GOLGA4: variants seen among roughly 807,000 people sequenced by gnomAD.
GOLGA4 encodes golgin subfamily A member 4.
GOLGA4 carries 169 observed loss-of-function variants against 265.9 expected under a neutral mutation model. The ratio of observed to expected loss-of-function variants is 0.64; its 90% confidence interval spans 0.56 to 0.72. GOLGA4 has a LOEUF of 0.72. Among genes scored for constraint, GOLGA4 ranks in the 30% least tolerant of loss-of-function variants. The pLI is 0.00. For missense variants in GOLGA4, 2,482 were observed against 2,483.4 expected (o/e 1.00, Z 0.01); for synonymous variants, 923 against 855.8 (o/e 1.08, Z -1.37).
At chr3:37,335,690 A>G (rs2097008903) in intron 17 of GOLGA4, among the ~76,000 whole-genome samples, 1 of 151,770 alleles carries the variant, frequency 6.6e-6, no homozygotes, top group Admixed American at 6.6e-5. Flanking sequence ...TGCAAATACA[A>G]TGCAATGATT....
Position 37,344,215 on chromosome 3 carries a change from T to C in GOLGA4, c.6473-2978T>C, listed in dbSNP as rs540219535. 4.6e-5 allele frequency among the ~76,000 whole-genome samples: 7 copies of C among 152,296 alleles called. No homozygotes were observed. The South Asian group carries it at 1.5e-3, about 32-fold the overall frequency. On this transcript the variant is annotated intron_variant, in intron 20 of 23. Coordinates refer to ENST00000361924, the MANE Select transcript of GOLGA4 (RefSeq NM_002078.5). ...CTCCTGGGTTCAAGCGATTGTCATGTTTCAGCCTCTAAAGTAGCTGGGATT... is the reference window on the plus strand; with the variant it reads ...CTCCTGGGTTCAAGCGATTGTCATGCTTCAGCCTCTAAAGTAGCTGGGATT...
intron 2 of GOLGA4, among the ~76,000 whole-genome samples, chr3:37,261,859 C>T (rs921820711): frequency 6.6e-6 from 1 of 151,978 alleles, no homozygotes. Flanking sequence ...TTGTGATAAC[C>T]CCTATATTGC....
intron 10 of GOLGA4, among the ~76,000 whole-genome samples, chr3:37,312,420 A>G (rs1384717502): frequency 6.6e-6 from 1 of 152,198 alleles, no homozygotes; most frequent in Non-Finnish European, 1.5e-5. Flanking sequence ...ATAGTAAAAG[A>G]ATATGTAAAA....
chr3:37,312,473 T>A (rs767530886), intron 10 of GOLGA4, among the ~76,000 whole-genome samples: 2 of 152,138 alleles, frequency 1.3e-5, no homozygotes, highest in Non-Finnish European at 2.9e-5. Flanking sequence ...TATCTAAGGA[T>A]TATCATCTTG....
chr3:37,335,035 T>C lies in GOLGA4; in HGVS notation c.6193-18T>C. 6.9e-7 allele frequency: 1 copy of C among 1,448,158 alleles called. No individual in the cohort carries two copies. Among genetic ancestry groups the C allele is most frequent in the Non-Finnish European group, 9.4e-7 (1 of 1,062,648 alleles). The allele number at this position is 1,448,158 out of a possible 1,614,324, so 89.7% of individuals were successfully genotyped here. A position where few individuals can be genotyped will look rare whatever the true frequency, so the allele number is the denominator to read the frequency against. On this transcript the variant is annotated intron_variant, in intron 16 of 23. Transcript: ENST00000361924. ...TTTTTTTTCTTTTCCTTTTTTTCTT[T>C]TTTTTTAAATCCTAAAGGCTCGTGA...
Position 37,351,007 on chromosome 3 carries a change from A to G in GOLGA4, c.6576+3711A>G, listed in dbSNP as rs147955232. ...TCCTAAGACAGCAATGACATTTGCC[A>G]TATCAGTTGACACTTCCTTTCATGA... is the stretch of plus-strand genomic sequence containing the variant. On this transcript the variant is annotated intron_variant, in intron 21 of 23. Coordinates refer to ENST00000361924, the MANE Select transcript of GOLGA4 (RefSeq NM_002078.5). Among the ~76,000 whole-genome samples the G allele has an allele frequency of 3.0e-4, 45 of 152,224 alleles. No homozygotes were observed. In the East Asian group the frequency reaches 8.1e-3, roughly 27 times the overall value.
intron 1 of GOLGA4, 32 bp downstream of exon 1, chr3:37,243,654 C>G (rs370051720): frequency 1.3e-6 from 2 of 1,581,796 alleles, no homozygotes; most frequent in Non-Finnish European, 1.7e-6. Flanking sequence ...TCCCCTGGTT[C>G]CGAATACCTC....
intron 2 of GOLGA4, among the ~76,000 whole-genome samples, chr3:37,255,875 C>T (rs1423229933): frequency 2.0e-5 from 3 of 152,030 alleles, no homozygotes; most frequent in South Asian, 2.1e-4. Flanking sequence ...ACCTTGGCCT[C>T]GTAAAGTGCT....
intron 10 of GOLGA4, among the ~76,000 whole-genome samples, chr3:37,311,421 G>A (rs1396328616): frequency 6.6e-6 from 1 of 152,158 alleles, no homozygotes; most frequent in Non-Finnish European, 1.5e-5. Context: ...ATTAGTAATT[G>A]ATTGGCTCAG....
intron 21 of GOLGA4, among the ~76,000 whole-genome samples, chr3:37,350,888 A>G (rs980860454): frequency 2.6e-5 from 4 of 152,132 alleles, no homozygotes; most frequent in Non-Finnish European, 4.4e-5. Context: ...AGCAAGTCAT[A>G]ATATTTTTGC....
At chr3:37,331,927 A>G (rs1430453885) in intron 16 of GOLGA4, among the ~76,000 whole-genome samples, 2 of 152,142 alleles carry the variant, frequency 1.3e-5, no homozygotes, top group African/African-American at 2.4e-5. Context: ...ATGGTTTGAA[A>G]CATCCTGAGA....
Position 37,286,023 on chromosome 3 carries a change from G to A in GOLGA4, c.487G>A (p.Ala163Thr). 6.4e-7 allele frequency: 1 copy of A among 1,566,498 alleles called. No homozygotes were observed. The highest frequency in any genetic ancestry group is 8.8e-7 in the Non-Finnish European group (1 of 1,142,098). ...YRGKYSELVT[A>T]YQMLQREKKK... ...GATGACTATATTTTAGCTTGTTACAGCTTATCAGATGCTTCAGAGAGAGAA... is the reference window on the plus strand; with the variant it reads ...GATGACTATATTTTAGCTTGTTACAACTTATCAGATGCTTCAGAGAGAGAA... Residue 163 changes from alanine (A) to threonine (T), a missense_variant, in exon 4 of 24, where the codon GCT (alanine) becomes ACT (threonine). Around this residue, in one of 3 missense-constraint regions of GOLGA4, gnomAD observed 1,536 missense variants for 1,483.7 expected, o/e 1.04. Transcript: ENST00000361924.
chr3:37,317,007 T>C (rs2096939547), intron 11 of GOLGA4, among the ~76,000 whole-genome samples: 1 of 152,164 alleles, frequency 6.6e-6, no homozygotes, highest in Non-Finnish European at 1.5e-5. Context: ...TCTAGGAGAT[T>C]GTTCCTTAGC....
chr3:37,248,585 A>C (rs1249006807), intron 1 of GOLGA4, among the ~76,000 whole-genome samples: 1 of 152,218 alleles, frequency 6.6e-6, no homozygotes, highest in Admixed American at 6.5e-5. Flanking sequence ...CCATTTTCTC[A>C]TATAATTCTT....
intron 21 of GOLGA4, among the ~76,000 whole-genome samples, chr3:37,350,678 C>G (rs1483599025): frequency 2.6e-5 from 4 of 152,044 alleles, no homozygotes; most frequent in Non-Finnish European, 4.4e-5. Flanking sequence ...GGGTTCAGTT[C>G]TAGACCACTG....
intron 5 of GOLGA4, among the ~76,000 whole-genome samples, chr3:37,292,815 C>T (rs968427250): frequency 3.9e-5 from 6 of 152,150 alleles, no homozygotes; most frequent in African/African-American, 1.2e-4. Flanking sequence ...TCTTATTTCA[C>T]GATGGATCTC....
At chr3:37,305,316 CATA>C (rs2096903268) in intron 10 of GOLGA4, among the ~76,000 whole-genome samples, 1 of 152,150 alleles carries the variant, frequency 6.6e-6, no homozygotes, top group Non-Finnish European at 1.5e-5. Context: ...TATTTGTAGT[CATA>C]ATAATTGAGG....
chr3:37,354,625 T>A (rs1366075298), intron 21 of GOLGA4, among the ~76,000 whole-genome samples: 1 of 152,136 alleles, frequency 6.6e-6, no homozygotes, highest in Non-Finnish European at 1.5e-5. Context: ...ATGTGCTGCA[T>A]GTCTTGAAAA....
chr3:37,329,125 G>A lies in GOLGA4; in HGVS notation c.6192+32G>A, dbSNP rs1404193168. 18 of 1,539,706 alleles carry A rather than the reference G, an allele frequency of 1.2e-5. No homozygotes were observed. The East Asian group carries it at 4.2e-4, about 36-fold the overall frequency. ...ACCTTATTTCTTCTCTCTCACTTTT[G>A]AAATTTAGCTGTAATAGATTTCATG... is the stretch of plus-strand genomic sequence containing the variant. On this transcript the variant is annotated intron_variant, in intron 16 of 23. Coordinates refer to ENST00000361924, the MANE Select transcript of GOLGA4 (RefSeq NM_002078.5).
Sources: gnomAD v4.1 joint callset for allele counts (sites outside exome capture counted in the v4.1 genomes callset) on GRCh38, gnomAD v4.1.1 for gene constraint, gnomAD v4.1.1 regional missense constraint, MANE v1.5 for transcripts, NCBI Gene and HGNC (gene_info 2026-07-23, HGNC 2026-07-21) for gene names.